Variants in DCC observed in about 807,000 individuals in gnomAD.
DCC encodes DCC netrin 1 receptor.
Under a neutral mutation model 172.5 loss-of-function variants are expected in DCC, and 58 were observed. The ratio of observed to expected loss-of-function variants is 0.34; its 90% CI spans 0.27 to 0.42. The LOEUF is 0.42. Ranked by LOEUF, DCC falls within the 10% of genes least tolerant of loss-of-function variation. The pLI is 1.00. For missense variants in DCC, 1,740 were observed against 1,791.0 expected, an observed-to-expected ratio of 0.97 and a Z score of 0.51; for synonymous variants, 709 against 644.5, an observed-to-expected ratio of 1.10 and a Z score of -1.52.
At chr18:52,797,031 CATT>C (rs574912761) in intron 2 of DCC, among the ~76,000 whole-genome samples, 202 of 150,858 alleles carry the variant, frequency 1.3e-3, no homozygotes, top group African/African-American at 4.5e-3. Context: ...CTTCTGCCTG[CATT>C]ATTAGAAAAA....
chr18:53,426,507 G>C (rs1910973467), intron 21 of DCC, among the ~76,000 whole-genome samples: 1 of 147,436 alleles, frequency 6.8e-6, no homozygotes, highest in African/African-American at 2.5e-5. Context: ...CCCACTGGTT[G>C]GCCTGGCAAA....
intron 1 of DCC, among the ~76,000 whole-genome samples, chr18:52,416,104 T>G (rs1987017571): frequency 6.6e-6 from 1 of 152,184 alleles, no homozygotes; most frequent in South Asian, 2.1e-4. Flanking sequence ...AAGAACATCT[T>G]TATTTCTGCC....
At chr18:52,418,588 G>A (rs1008526342) in intron 1 of DCC, among the ~76,000 whole-genome samples, 3 of 152,246 alleles carry the variant, frequency 2.0e-5, no homozygotes, top group Non-Finnish European at 2.9e-5. Flanking sequence ...TAGGGGAGAT[G>A]GGGACAGAAG....
At chr18:53,443,812 A>T (rs1912425780) in intron 22 of DCC, among the ~76,000 whole-genome samples, 1 of 152,214 alleles carries the variant, frequency 6.6e-6, no homozygotes, top group African/African-American at 2.4e-5. Flanking sequence ...ATCCTTACAG[A>T]TGATTTTGAG....
intron 1 of DCC, among the ~76,000 whole-genome samples, chr18:52,600,721 T>C (rs1229452653): frequency 6.6e-6 from 1 of 151,896 alleles, no homozygotes; most frequent in Non-Finnish European, 1.5e-5. Flanking sequence ...TGCGCATTGT[T>C]GTTGTTGGTG....
intron 5 of DCC, among the ~76,000 whole-genome samples, chr18:53,055,451 T>G (rs1243663540): frequency 6.6e-6 from 1 of 152,102 alleles, no homozygotes; most frequent in African/African-American, 2.4e-5. Flanking sequence ...GATTGAAACA[T>G]CTTTTGGAAT....
At chr18:53,460,146 ATTGTAAGATAGT>A (rs1256981853) in intron 24 of DCC, among the ~76,000 whole-genome samples, 1 of 150,026 alleles carries the variant, frequency 6.7e-6, no homozygotes, top group Admixed American at 6.7e-5. Flanking sequence ...CTAGAAAATA[ATTGTAAGATAGT>A]TCACTTTCTC....
chr18:53,370,017 A>C (rs951785898), intron 15 of DCC, among the ~76,000 whole-genome samples: 2 of 151,792 alleles, frequency 1.3e-5, no homozygotes, highest in Non-Finnish European at 3.0e-5. Flanking sequence ...TTTTTGAAAG[A>C]TTTTAAAAAG....
Position 53,089,358 on chromosome 18 carries a change from T to A in DCC, c.1261+23192T>A, listed in dbSNP as rs565164467. Among the ~76,000 whole-genome samples, 4 of 152,258 alleles carry A rather than the reference T, an allele frequency of 2.6e-5. No individual in the cohort carries two copies. The East Asian group carries it at 7.7e-4, about 29-fold the overall frequency. On this transcript the variant is annotated intron_variant, in intron 7 of 28. Transcript: ENST00000442544. ...ACCTCGGCCTCCCAAAATGCTGGGA[T>A]TACAGGTGTGAGCCACTGCACCCGG...
At chr18:53,461,758 G>C (rs73957239) in intron 24 of DCC, among the ~76,000 whole-genome samples, 1 of 152,184 alleles carries the variant, frequency 6.6e-6, no homozygotes, top group Admixed American at 6.5e-5. Flanking sequence ...GTCTTAGGCA[G>C]ATTTCCTAAC....
At chr18:52,342,602 T>G (rs1983704398) in intron 1 of DCC, among the ~76,000 whole-genome samples, 1 of 152,128 alleles carries the variant, frequency 6.6e-6, no homozygotes, top group Admixed American at 6.5e-5. Flanking sequence ...TATAGCAGTT[T>G]GGGAGACCTA....
At chr18:52,991,924 CTTA>C (rs1460612202) in intron 5 of DCC, among the ~76,000 whole-genome samples, 1 of 152,198 alleles carries the variant, frequency 6.6e-6, no homozygotes, top group African/African-American at 2.4e-5. Context: ...AAACAAATCA[CTTA>C]TTATAACGCA....
At chr18:52,785,679 C>T (rs550540791) in intron 2 of DCC, among the ~76,000 whole-genome samples, 115 of 152,174 alleles carry the variant, frequency 7.6e-4, no homozygotes, top group African/African-American at 2.7e-3. Flanking sequence ...GGTTTGCCTC[C>T]ACCAGATGCT....
intron 13 of DCC, among the ~76,000 whole-genome samples, chr18:53,321,029 T>TA (rs35552982): frequency 6.6e-6 from 1 of 152,214 alleles, no homozygotes; most frequent in Non-Finnish European, 1.5e-5. Context: ...AACCATTATT[T>TA]AAAATACCAT....
chr18:52,729,701 G>C (rs2036607016), intron 1 of DCC, among the ~76,000 whole-genome samples: 1 of 152,198 alleles, frequency 6.6e-6, no homozygotes, highest in African/African-American at 2.4e-5. Context: ...AATATTTACT[G>C]TTTTCAGAGC....
At chr18:53,019,817 G>A (rs1299464510) in intron 5 of DCC, among the ~76,000 whole-genome samples, 2 of 152,120 alleles carry the variant, frequency 1.3e-5, no homozygotes, top group African/African-American at 2.4e-5. Context: ...CAATACCAAA[G>A]CAGACAGCAT....
chr18:52,552,728 T>C (rs1381316450), intron 1 of DCC, among the ~76,000 whole-genome samples: 2 of 152,112 alleles, frequency 1.3e-5, no homozygotes, highest in Non-Finnish European at 2.9e-5. Flanking sequence ...TCATTTATTT[T>C]AGTAATTAAG....
chr18:52,917,488 A>G (rs1180370944), intron 3 of DCC, among the ~76,000 whole-genome samples: 1 of 152,182 alleles, frequency 6.6e-6, no homozygotes, highest in East Asian at 1.9e-4. Flanking sequence ...ACAGTTTGGG[A>G]TTCACTGTCT....
chr18:52,978,693 C>G (rs2145600044), intron 5 of DCC, among the ~76,000 whole-genome samples: 1 of 152,234 alleles, frequency 6.6e-6, no homozygotes, highest in Non-Finnish European at 1.5e-5. Context: ...CTGCGAAATG[C>G]CTGTTAGGAC....
Sources: allele counts gnomAD v4.1 joint callset (sites outside exome capture counted in the v4.1 genomes callset), GRCh38; gene constraint gnomAD v4.1.1; transcripts MANE v1.5; gene names NCBI Gene and HGNC (gene_info 2026-07-23, HGNC 2026-07-21).